Variants in ASTN2 observed in about 807,000 individuals in gnomAD.
ASTN2 encodes astrotactin-2.
ASTN2 carries 54 observed loss-of-function variants against 139.8 expected under a neutral mutation model. The observed-to-expected ratio is 0.39, with a 90% CI of 0.31 to 0.48. The LOEUF is 0.48. Among genes scored for constraint, ASTN2 ranks in the 20% least tolerant of loss-of-function variants. The probability of loss-of-function intolerance (pLI) is 0.95; values close to 1 mark genes in which losing one functional copy is unlikely to be tolerated. For synonymous variants in ASTN2, 756 were observed against 719.5 expected (o/e 1.05, Z -0.81); for missense variants, 1,565 against 1,725.1 (o/e 0.91, Z 1.64).
At chr9:116,845,910 A>T (rs1271367305) in intron 11 of ASTN2, among the ~76,000 whole-genome samples, 1 of 152,218 alleles carries the variant, frequency 6.6e-6, no homozygotes, top group Non-Finnish European at 1.5e-5. Flanking sequence ...TCCTAAAGAG[A>T]TATTTATACA....
chr9:116,989,486 T>A (rs1190846057), intron 7 of ASTN2, among the ~76,000 whole-genome samples: 1 of 152,000 alleles, frequency 6.6e-6, no homozygotes, highest in Non-Finnish European at 1.5e-5. Context: ...CCATTTCCAG[T>A]CCCTTCCATC....
At chr9:116,919,421 G>C (rs771401295) in intron 10 of ASTN2, among the ~76,000 whole-genome samples, 1 of 152,060 alleles carries the variant, frequency 6.6e-6, no homozygotes, top group Non-Finnish European at 1.5e-5. Flanking sequence ...ATGTCTAAAA[G>C]ATAATACCTC....
chr9:117,315,777 G>A (rs1212212503), intron 1 of ASTN2, among the ~76,000 whole-genome samples: 9 of 152,150 alleles, frequency 5.9e-5, no homozygotes, highest in Admixed American at 5.9e-4. Context: ...TTGCCTGAAG[G>A]TCTTTTTAAT....
At chr9:117,115,999 T>A (rs1465718683) in intron 4 of ASTN2, among the ~76,000 whole-genome samples, 1 of 143,844 alleles carries the variant, frequency 7.0e-6, no homozygotes, top group Non-Finnish European at 1.5e-5. Flanking sequence ...CACTCCAGAC[T>A]GGGGGACAGA....
chr9:116,808,057 T>C (rs1016008102), intron 12 of ASTN2, among the ~76,000 whole-genome samples: 3 of 152,066 alleles, frequency 2.0e-5, no homozygotes, highest in Admixed American at 1.3e-4. Flanking sequence ...GGGGTTGTAG[T>C]TAGCCGAGAT....
intron 6 of ASTN2, among the ~76,000 whole-genome samples, chr9:117,011,003 A>T (rs563287164): frequency 6.6e-6 from 1 of 152,180 alleles, no homozygotes; most frequent in African/African-American, 2.4e-5. Context: ...AACCATCCAC[A>T]TTTCTGGCAG....
At chr9:117,409,259 C>T (rs1831093245) in intron 1 of ASTN2, among the ~76,000 whole-genome samples, 1 of 152,126 alleles carries the variant, frequency 6.6e-6, no homozygotes, top group Non-Finnish European at 1.5e-5. Context: ...AGACACAGCT[C>T]ATGACTATTT....
At chr9:117,002,242 G>A (rs1378456213) in intron 7 of ASTN2, among the ~76,000 whole-genome samples, 3 of 152,148 alleles carry the variant, frequency 2.0e-5, no homozygotes, top group Non-Finnish European at 4.4e-5. Context: ...TTTTAATCTG[G>A]TTTTTAGTCA....
At position 116,898,832 on chromosome 9, in the gene ASTN2, C is replaced by A. The variant is rs565374058; in HGVS notation, c.1890-35099G>T. Among the ~76,000 whole-genome samples, 14 of 152,206 alleles carry A rather than the reference C, an allele frequency of 9.2e-5. No individual in the cohort carries two copies. In the South Asian group the frequency reaches 2.5e-3, roughly 27 times the overall value. On this transcript the variant is annotated intron_variant, in intron 10 of 22. Transcript: ENST00000313400. ...TAAAGGCATGTGCCACCACACTTGC[C>A]TAATTTTTTTAAATATATTTTGTAG...
At chr9:116,984,545 G>A (rs553181850) in intron 7 of ASTN2, among the ~76,000 whole-genome samples, 4 of 152,224 alleles carry the variant, frequency 2.6e-5, no homozygotes, top group Non-Finnish European at 4.4e-5. Context: ...GGTCTGCCTT[G>A]GTTCTACCCA....
rs143926102 is a variant in ASTN2, at chr9:117,354,160, G to T, written c.442+60337C>A. 3.3e-4 allele frequency among the ~76,000 whole-genome samples: 51 copies of T among 152,240 alleles called. 1 individual carries two copies. The highest frequency in any genetic ancestry group is 1.2e-3 in the African/African-American group (50 of 41,544). ...GTGGGGAAGGGCGGAAGGTACTCGGGAGTATAAGGAACTCTCTGTACTTCC... is the reference window on the plus strand; with the variant it reads ...GTGGGGAAGGGCGGAAGGTACTCGGTAGTATAAGGAACTCTCTGTACTTCC... On this transcript the variant is annotated intron_variant, in intron 1 of 22. Coordinates refer to ENST00000313400, the MANE Select transcript of ASTN2 (RefSeq NM_001365068.1).
intron 20 of ASTN2, among the ~76,000 whole-genome samples, chr9:116,446,276 G>GAGAGAT (rs1847992823): frequency 3.3e-5 from 1 of 30,172 alleles, no homozygotes; most frequent in African/African-American, 1.2e-4. Flanking sequence ...GAGAGATAGA[G>GAGAGAT]AGAGAGAGAG....
chr9:117,288,740 C>T (rs1834510818), intron 2 of ASTN2, among the ~76,000 whole-genome samples: 1 of 152,170 alleles, frequency 6.6e-6, no homozygotes, highest in African/African-American at 2.4e-5. Flanking sequence ...GAGTCTGAGC[C>T]ACAGAGAGGC....
chr9:117,347,160 A>G (rs1829244848), intron 1 of ASTN2, among the ~76,000 whole-genome samples: 1 of 152,080 alleles, frequency 6.6e-6, no homozygotes, highest in Admixed American at 6.6e-5. Context: ...GGTCAAGAAG[A>G]AAAGGCACAT....
Position 116,725,964 on chromosome 9 carries a change from G to T in ASTN2, c.2627-14C>A, listed in dbSNP as rs1828610285. ...CATTAGTGAAGCCTGGACAAGAGAG[G>T]AGCATGTGGAGGTGGTCAGATGTGA... On this transcript the variant is annotated splice_polypyrimidine_tract_variant and intron_variant, in intron 15 of 22. Coordinates refer to ENST00000313400, the MANE Select transcript of ASTN2 (RefSeq NM_001365068.1). 2 of 1,605,106 alleles carry T rather than the reference G, an allele frequency of 1.2e-6. No homozygotes were observed. Among genetic ancestry groups the T allele is most frequent in the African/African-American group, 2.7e-5 (2 of 74,836 alleles).
At chr9:117,030,475 C>T (rs1234389917) in intron 6 of ASTN2, among the ~76,000 whole-genome samples, 3 of 152,182 alleles carry the variant, frequency 2.0e-5, no homozygotes, top group Non-Finnish European at 4.4e-5. Context: ...TCAGTTATCT[C>T]TTTTGTTATG....
chr9:116,458,209 C>T (rs889800725), intron 20 of ASTN2, among the ~76,000 whole-genome samples: 3 of 150,616 alleles, frequency 2.0e-5, no homozygotes, highest in African/African-American at 7.3e-5. Flanking sequence ...TTATCAGAGG[C>T]TAGGAAGGGC....
In ASTN2 at chr9:116,813,170, C is replaced by T. The variant is rs186983383; in HGVS notation, c.2208-7350G>A. 1.1e-4 allele frequency among the ~76,000 whole-genome samples: 17 copies of T among 152,008 alleles called. No individual in the cohort carries two copies. In the East Asian group the frequency reaches 2.9e-3, roughly 26 times the overall value. ...ACATGAAACTCTATTTATACATGTG[C>T]CAAAATGAAAAATATAAAATAAGTG... On this transcript the variant is annotated intron_variant, in intron 12 of 22. Coordinates refer to ENST00000313400, the MANE Select transcript of ASTN2 (RefSeq NM_001365068.1).
chr9:116,533,898 C>T (rs1851485078), intron 19 of ASTN2, among the ~76,000 whole-genome samples: 1 of 152,196 alleles, frequency 6.6e-6, no homozygotes. Context: ...GGAGGAGTCC[C>T]TCTTTTCCTA....
Sources: allele counts gnomAD v4.1 joint callset (sites outside exome capture counted in the v4.1 genomes callset), GRCh38; gene constraint gnomAD v4.1.1; transcripts MANE v1.5; gene names NCBI Gene and HGNC (gene_info 2026-07-23, HGNC 2026-07-21).